Variants in DNM3 observed in about 807,000 individuals in gnomAD.
DNM3 encodes dynamin-3.
In DNM3, 47 loss-of-function variants were observed where a neutral mutation model predicts 101.6. That is an observed-to-expected ratio of 0.46 (90% confidence interval 0.37 to 0.59). The LOEUF is 0.59. DNM3 is among the 20% of genes least tolerant of loss of function. The probability of loss-of-function intolerance (pLI) is 0.00; values close to 1 mark genes in which losing one functional copy is unlikely to be tolerated. For missense variants in DNM3, 849 were observed against 1,085.7 expected (o/e 0.78, Z 3.06); for synonymous variants, 385 against 387.9 (o/e 0.99, Z 0.09).
At chr1:172,139,200 A>G (rs949795100) in intron 14 of DNM3, 1 of 287,458 alleles carries the variant, frequency 3.5e-6, no homozygotes, top group Non-Finnish European at 6.8e-6. Context: ...AATTCATATT[A>G]TTACTGGCCC....
intron 2 of DNM3, among the ~76,000 whole-genome samples, chr1:171,942,676 G>A (rs1006660106): frequency 2.6e-4 from 40 of 152,170 alleles, no homozygotes; most frequent in Admixed American, 7.9e-4. Context: ...TAAATGCTAT[G>A]GAAGGCAAAA....
At chr1:172,052,032 G>A (rs1383265874) in intron 10 of DNM3, among the ~76,000 whole-genome samples, 2 of 152,142 alleles carry the variant, frequency 1.3e-5, no homozygotes, top group East Asian at 1.9e-4. Flanking sequence ...TTAGTAATTA[G>A]CAGCCTCCTG....
At chr1:172,406,082 G>A (rs1311653033) in intron 20 of DNM3, among the ~76,000 whole-genome samples, 9 of 151,936 alleles carry the variant, frequency 5.9e-5, no homozygotes, top group Non-Finnish European at 1.3e-4. Context: ...ATGATTAAGA[G>A]ACAGCTCATT....
At chr1:172,311,574 T>G (rs925966885) in intron 16 of DNM3, among the ~76,000 whole-genome samples, 4 of 152,142 alleles carry the variant, frequency 2.6e-5, no homozygotes, top group Admixed American at 1.3e-4. Context: ...CCAGCCTGTG[T>G]GAAAGAGTGA....
intron 1 of DNM3, among the ~76,000 whole-genome samples, chr1:171,912,010 C>T (rs1002554780): frequency 6.6e-6 from 1 of 152,100 alleles, no homozygotes; most frequent in Admixed American, 6.5e-5. Flanking sequence ...TTCATGTGGT[C>T]CAGCCCATGT....
intron 17 of DNM3, 102 bp from the exon 18 acceptor site, chr1:172,378,916 C>T: frequency 7.7e-7 from 1 of 1,305,478 alleles, no homozygotes; most frequent in East Asian, 2.6e-5. Context: ...GATATAAACT[C>T]CAACTATGCT....
At chr1:172,216,805 A>G (rs1040814665) in intron 14 of DNM3, among the ~76,000 whole-genome samples, 5 of 151,990 alleles carry the variant, frequency 3.3e-5, no homozygotes, top group East Asian at 1.9e-4. Context: ...GCACAAAGCA[A>G]TTGTTGAATA....
chr1:172,183,241 A>G (rs2059409561), intron 14 of DNM3, among the ~76,000 whole-genome samples: 1 of 152,134 alleles, frequency 6.6e-6, no homozygotes, highest in African/African-American at 2.4e-5. Context: ...CAATAGAGAT[A>G]TATTTTATTT....
intron 13 of DNM3, among the ~76,000 whole-genome samples, chr1:172,104,086 C>G (rs916801486): frequency 9.9e-5 from 15 of 151,996 alleles, no homozygotes; most frequent in Non-Finnish European, 1.6e-4. Flanking sequence ...TGTCTTTTGC[C>G]CATTTTAGGG....
intron 1 of DNM3, among the ~76,000 whole-genome samples, chr1:171,921,159 G>T (rs2040136495): frequency 6.6e-6 from 1 of 151,246 alleles, no homozygotes; most frequent in African/African-American, 2.4e-5. Context: ...TGTTGTCCAG[G>T]CTGGTCTTGA....
chr1:172,399,227 A>T (rs1298797226), intron 20 of DNM3, among the ~76,000 whole-genome samples: 1 of 152,186 alleles, frequency 6.6e-6, no homozygotes. Context: ...CATTTAAAAA[A>T]AGCGTCTGAC....
At chr1:172,215,981 T>A (rs2060682769) in intron 14 of DNM3, among the ~76,000 whole-genome samples, 1 of 144,868 alleles carries the variant, frequency 6.9e-6, no homozygotes. Flanking sequence ...GAAAGAAAAC[T>A]TAAAGTATAA....
At chr1:172,081,675 T>C (rs997657986) in intron 11 of DNM3, among the ~76,000 whole-genome samples, 157 bp from the exon 12 acceptor site, 5 of 152,356 alleles carry the variant, frequency 3.3e-5, no homozygotes, top group Non-Finnish European at 7.3e-5. Context: ...TGCAAAATTA[T>C]GAGTCTAATA....
chr1:172,376,921 T>C (rs890773094), intron 17 of DNM3, among the ~76,000 whole-genome samples: 10 of 152,050 alleles, frequency 6.6e-5, no homozygotes, highest in African/African-American at 2.4e-4. Flanking sequence ...TATTTTGATA[T>C]GCAAAAAAGT....
chr1:172,296,115 T>A (rs1031623323), intron 15 of DNM3, among the ~76,000 whole-genome samples: 6 of 152,220 alleles, frequency 3.9e-5, no homozygotes, highest in African/African-American at 1.2e-4. Flanking sequence ...CGTATGAGAT[T>A]CATTACTCAA....
chr1:172,209,155 A>G (rs916447600), intron 14 of DNM3, among the ~76,000 whole-genome samples: 1 of 151,998 alleles, frequency 6.6e-6, no homozygotes, highest in South Asian at 2.1e-4. Flanking sequence ...AGTTTGACTG[A>G]TATCCTTATA....
At chr1:172,188,047 A>G (rs2059583509) in intron 14 of DNM3, among the ~76,000 whole-genome samples, 1 of 152,120 alleles carries the variant, frequency 6.6e-6, no homozygotes, top group African/African-American at 2.4e-5. Flanking sequence ...AAACTCAATA[A>G]AAAATATGCC....
At chr1:172,061,174 CAAT>C (rs1483874301) in intron 10 of DNM3, among the ~76,000 whole-genome samples, 1 of 151,036 alleles carries the variant, frequency 6.6e-6, no homozygotes, top group African/African-American at 2.4e-5. Context: ...GTTAGAAGGG[CAAT>C]CATTAAAAAG....
At chr1:172,049,593 G>T (rs2125865480) in intron 10 of DNM3, among the ~76,000 whole-genome samples, 1 of 152,230 alleles carries the variant, frequency 6.6e-6, no homozygotes, top group Non-Finnish European at 1.5e-5. Flanking sequence ...AGAATATCTT[G>T]TATTGAAAAA....
Sources: gnomAD v4.1 joint callset for allele counts (sites outside exome capture counted in the v4.1 genomes callset) on GRCh38, gnomAD v4.1.1 for gene constraint, MANE v1.5 for transcripts, NCBI Gene and HGNC (gene_info 2026-07-23, HGNC 2026-07-21) for gene names.